The following NUP155 variants were observed in gnomAD, a reference collection of about 807,000 sequenced individuals.
The protein encoded by NUP155 is nuclear pore complex protein Nup155.
Under a neutral mutation model 180.4 loss-of-function variants are expected in NUP155, and 71 were observed. The observed-to-expected ratio is 0.39, with a 90% CI of 0.33 to 0.48. NUP155 has a LOEUF of 0.48. Ranked by LOEUF, NUP155 falls within the 20% of genes least tolerant of loss-of-function variation. The probability of loss-of-function intolerance (pLI) is 0.91; values close to 1 mark genes in which losing one functional copy is unlikely to be tolerated. For synonymous variants in NUP155, 582 were observed against 559.5 expected, an observed-to-expected ratio of 1.04 and a Z score of -0.57; for missense variants, 1,553 against 1,648.9, an observed-to-expected ratio of 0.94 and a Z score of 1.01.
intron 18 of NUP155, among the ~76,000 whole-genome samples, chr5:37,326,809 G>A (rs1418660974): frequency 6.6e-6 from 1 of 152,218 alleles, no homozygotes; most frequent in African/African-American, 2.4e-5. Flanking sequence ...ATGTCACTGA[G>A]TTATGGGGAA....
chr5:37,301,693 C>G, intron 29 of NUP155, 143 bp from the exon 30 acceptor site: 1 of 674,608 alleles, frequency 1.5e-6, no homozygotes, highest in Non-Finnish European at 2.7e-6. Context: ...CTAATATTAT[C>G]ATAACAGACA....
At chr5:37,295,408 T>C (rs918702513) in intron 32 of NUP155, among the ~76,000 whole-genome samples, 3 of 152,078 alleles carry the variant, frequency 2.0e-5, no homozygotes, top group Non-Finnish European at 4.4e-5. Context: ...AACATCCACC[T>C]CCCAGCAGCC....
At chr5:37,351,408 A>T (rs1213630109) in intron 5 of NUP155, 52 bp from the exon 6 acceptor site, 2 of 1,316,400 alleles carry the variant, frequency 1.5e-6, no homozygotes, top group Non-Finnish European at 2.2e-6. Flanking sequence ...CACAGTTTTT[A>T]AAAATCTTTG....
At chr5:37,353,759 A>C (rs896809284) in intron 4 of NUP155, among the ~76,000 whole-genome samples, 1 of 152,146 alleles carries the variant, frequency 6.6e-6, no homozygotes, top group South Asian at 2.1e-4. Flanking sequence ...TACAGACAAA[A>C]AGTGGAATGG....
chr5:37,344,415 T>G (rs1667281483), intron 9 of NUP155, among the ~76,000 whole-genome samples: 1 of 149,506 alleles, frequency 6.7e-6, no homozygotes, highest in South Asian at 2.1e-4. Context: ...TAAAATATAT[T>G]ACTCAGAATC....
rs1338590040 is a variant in NUP155, at chr5:37,310,671, A to C, written c.2509T>G (p.Leu837Val). 10 of 1,613,820 alleles carry C rather than the reference A, an allele frequency of 6.2e-6. 1 individual carries two copies. The South Asian group carries it at 1.1e-4, about 18-fold the overall frequency. Residue 837 changes from leucine (L) to valine (V), a missense_variant, in exon 23 of 35, where the codon TTA becomes GTA. Leu to Val is a conservative substitution (Grantham distance 32). Coordinates refer to ENST00000231498, the MANE Select transcript of NUP155 (RefSeq NM_153485.3). ...TAGCAGTTGATAAGAGAAGCAATTAATGCCCCTGTGAGTTCTTTGTCCCTG... is the reference window on the plus strand; with the variant it reads ...TAGCAGTTGATAAGAGAAGCAATTACTGCCCCTGTGAGTTCTTTGTCCCTG... The part of the protein sequence containing the change: ...VIRDKELTGA[L>V]IASLINCYIR...
intron 12 of NUP155, among the ~76,000 whole-genome samples, chr5:37,336,545 A>G (rs1232808192): frequency 6.6e-6 from 1 of 152,134 alleles, no homozygotes; most frequent in Non-Finnish European, 1.5e-5. Flanking sequence ...TCACAACTCC[A>G]TCGTAGTAGG....
intron 14 of NUP155, 27 bp downstream of exon 14, chr5:37,331,658 A>G: frequency 1.5e-6 from 2 of 1,311,312 alleles, no homozygotes; most frequent in Non-Finnish European, 2.2e-6. Flanking sequence ...AAATAGCATC[A>G]CATTTTTTAA....
intron 13 of NUP155, 69 bp from the exon 14 acceptor site, chr5:37,331,864 C>G: frequency 2.2e-6 from 2 of 915,110 alleles, no homozygotes; most frequent in Non-Finnish European, 3.6e-6. Context: ...CTGACTCTAC[C>G]TTATTTGATA....
At chr5:37,362,771 A>G (rs1312481977) in intron 3 of NUP155, among the ~76,000 whole-genome samples, 1 of 152,234 alleles carries the variant, frequency 6.6e-6, no homozygotes, top group Non-Finnish European at 1.5e-5. Flanking sequence ...AAATAATCAC[A>G]ATCATACATC....
chr5:37,301,389 C>A (rs1488546178), intron 30 of NUP155, 48 bp downstream of exon 30: 1 of 1,283,330 alleles, frequency 7.8e-7, no homozygotes, highest in Admixed American at 1.7e-5. Flanking sequence ...ACAAAAATTT[C>A]TCATTATTAG....
intron 4 of NUP155, among the ~76,000 whole-genome samples, chr5:37,356,353 G>C (rs944357812): frequency 2.0e-5 from 3 of 151,736 alleles, no homozygotes; most frequent in African/African-American, 4.8e-5. Context: ...TGGGCTATCA[G>C]GATTATGGCC....
chr5:37,305,071 C>T lies in NUP155; in HGVS notation c.3043G>A (p.Glu1015Lys), dbSNP rs1212846412. Residue 1015 changes from glutamate (E) to lysine (K), a missense_variant, in exon 26 of 35, where the codon GAA (glutamate) becomes AAA (lysine). Transcript: ENST00000231498. ...SSDPNMLSNE[E>K]AGHHFEQMLK... ...ATGTCCCTTACATGATGTCCTGCTT[C>T]TTCATTACTCAGCATATTTGGATCA... The T allele has an allele frequency of 2.5e-6, 4 of 1,613,596 alleles. No individual in the cohort carries two copies. Among genetic ancestry groups the T allele is most frequent in the Non-Finnish European group, 3.4e-6 (4 of 1,180,004 alleles).
At chr5:37,318,931 G>C (rs1455227163) in intron 20 of NUP155, among the ~76,000 whole-genome samples, 1 of 152,172 alleles carries the variant, frequency 6.6e-6, no homozygotes. Flanking sequence ...ATTAAACTTT[G>C]GGAAGAAAAT....
chr5:37,323,111 T>C (rs916809480), intron 20 of NUP155, among the ~76,000 whole-genome samples: 1 of 151,560 alleles, frequency 6.6e-6, no homozygotes, highest in Non-Finnish European at 1.5e-5. Context: ...TGAAACCCCG[T>C]CTCCGCTGAA....
chr5:37,370,420 A>T (rs1747886665), intron 1 of NUP155, among the ~76,000 whole-genome samples: 2 of 152,350 alleles, frequency 1.3e-5, no homozygotes, highest in Admixed American at 1.3e-4. Flanking sequence ...TTAAGATAAC[A>T]TGCTAAATTT....
intron 18 of NUP155, 115 bp downstream of exon 18, chr5:37,327,514 G>A (rs1018443654): frequency 8.5e-7 from 1 of 1,172,702 alleles, no homozygotes; most frequent in South Asian, 1.3e-5. Context: ...CAACAAGTGA[G>A]CTAAAACTAA....
intron 5 of NUP155, among the ~76,000 whole-genome samples, 173 bp from the exon 6 acceptor site, chr5:37,351,529 C>T (rs1746457971): frequency 6.6e-6 from 1 of 151,924 alleles, no homozygotes; most frequent in South Asian, 2.1e-4. Context: ...TCACTGCAAG[C>T]TCTACCTCCC....
intron 27 of NUP155, among the ~76,000 whole-genome samples, chr5:37,304,249 C>CAAAA (rs1179011976): frequency 2.7e-5 from 2 of 74,760 alleles, no homozygotes; most frequent in Middle Eastern, 0.011. Context: ...GACTCCATCT[C>CAAAA]AAAAAAAAAA....
Sources: gnomAD v4.1 joint callset for allele counts (sites outside exome capture counted in the v4.1 genomes callset) on GRCh38, gnomAD v4.1.1 for gene constraint, MANE v1.5 for transcripts, NCBI Gene and HGNC (gene_info 2026-07-23, HGNC 2026-07-21) for gene names.